Variants in BDKRB2 observed in about 807,000 individuals in gnomAD.
The protein encoded by BDKRB2 is B2 bradykinin receptor.
A neutral mutation model predicts 4.0 loss-of-function variants in BDKRB2; 6 were observed. The observed-to-expected ratio is 1.49, with a 90% confidence interval of 0.81 to 2.93. The LOEUF (loss-of-function observed/expected upper bound fraction) is 2.93. BDKRB2 is among the 30% of genes most tolerant of loss of function. The pLI is 0.00. For missense variants in BDKRB2, 478 were observed against 520.1 expected, an observed-to-expected ratio of 0.92 and a Z score of 0.79; for synonymous variants, 225 against 215.3, an observed-to-expected ratio of 1.05 and a Z score of -0.40.
intron 1 of BDKRB2, 110 bp from the exon 2 acceptor site, chr14:96,236,959 C>G (rs919659627): frequency 1.4e-6 from 1 of 704,878 alleles, no homozygotes; most frequent in East Asian, 2.5e-5. Context: ...CACAAACGTC[C>G]ATTGAGTCAG....
chr14:96,235,880 T>C (rs1890923438), intron 1 of BDKRB2, among the ~76,000 whole-genome samples: 1 of 152,024 alleles, frequency 6.6e-6, no homozygotes, highest in Non-Finnish European at 1.5e-5. Flanking sequence ...TTCCACACCC[T>C]TCCTAGACAG....
chr14:96,237,799 CA>C (rs1890973121), intron 2 of BDKRB2: 1 of 1,289,808 alleles, frequency 7.8e-7, no homozygotes, highest in Non-Finnish European at 1.0e-6. Flanking sequence ...ATTCCGCACT[CA>C]GCAGGCATCT....
chr14:96,224,368 G>C (rs1337940791), intron 1 of BDKRB2, among the ~76,000 whole-genome samples: 2 of 152,344 alleles, frequency 1.3e-5, no homozygotes, highest in African/African-American at 4.8e-5. Flanking sequence ...AGTCTTGCTA[G>C]CTGTGCCTCT....
chr14:96,241,568 G>C lies in BDKRB2; in HGVS notation c.*64G>C. The C allele has an allele frequency of 1.3e-6, 2 of 1,491,160 alleles. No homozygotes were observed. The highest frequency in any genetic ancestry group is 1.8e-6 in the Non-Finnish European group (2 of 1,127,914). The allele number at this position is 1,491,160 out of a possible 1,614,324, so 92.4% of individuals were successfully genotyped here. A position where few individuals can be genotyped will look rare whatever the true frequency, so the allele number is the denominator to read the frequency against. The stretch of plus-strand genomic sequence containing the variant: ...TTGAGGGACAGTTGCTTTTCAGCAT[G>C]GGCCCAGGAATGCCAAGGAGACATC... On this transcript the variant is annotated 3_prime_UTR_variant, in exon 3 of 3. Coordinates refer to ENST00000554311, the MANE Select transcript of BDKRB2 (RefSeq NM_001379692.1).
chr14:96,235,347 C>CAAAAA (rs60409238), intron 1 of BDKRB2, among the ~76,000 whole-genome samples: 2 of 67,220 alleles, frequency 3.0e-5, no homozygotes, highest in Non-Finnish European at 5.4e-5. Context: ...GACTCCGTCT[C>CAAAAA]AAAAAAAAAA....
chr14:96,215,089 A>T (rs1428777210), intron 1 of BDKRB2, among the ~76,000 whole-genome samples: 1 of 152,268 alleles, frequency 6.6e-6, no homozygotes, highest in Non-Finnish European at 1.5e-5. Flanking sequence ...TTCTTCACAG[A>T]AAACTTGGAT....
Position 96,244,090 on chromosome 14 carries a change from T to C in BDKRB2, c.*2586T>C. The C allele has an allele frequency of 5.0e-6, 2 of 398,196 alleles. No homozygotes were observed. Among genetic ancestry groups the C allele is most frequent in the Non-Finnish European group, 8.9e-6 (2 of 225,966 alleles). 24.7% of individuals were successfully genotyped at this position (398,196 alleles called of 1,614,324 possible). A position where few individuals can be genotyped will look rare whatever the true frequency, so the allele number is the denominator to read the frequency against. ...CTGTTATGTTGTAAACAGGAAGCAT[T>C]TCACATCCAAACGAGAAAATCATGT... is the stretch of plus-strand genomic sequence containing the variant. On this transcript the variant is annotated 3_prime_UTR_variant, in exon 3 of 3. Coordinates refer to ENST00000554311, the MANE Select transcript of BDKRB2 (RefSeq NM_001379692.1).
intron 2 of BDKRB2, chr14:96,237,631 G>A: frequency 2.4e-6 from 3 of 1,252,568 alleles, no homozygotes; most frequent in Admixed American, 5.0e-5. Context: ...AGTAGAAGCA[G>A]AGGATAGGGA....
In BDKRB2 at chr14:96,240,670, C is replaced by T. The variant is rs755199375; in HGVS notation, c.342C>T (p.Ala114=). The T allele has an allele frequency of 6.3e-7, 1 of 1,587,450 alleles. No individual in the cohort carries two copies. Among genetic ancestry groups the T allele is most frequent in the Non-Finnish European group, 8.6e-7 (1 of 1,168,904 alleles). The change falls in exon 3 of 3, where the codon GCC becomes GCT. Residue 114 remains alanine, a synonymous_variant. Coordinates refer to ENST00000554311, the MANE Select transcript of BDKRB2 (RefSeq NM_001379692.1). ...LILACGLPFW[A]ITISNNFDWL... is the part of the protein sequence containing the mutation. ...TGGCCTGCGGGCTGCCCTTCTGGGC[C>T]ATCACCATCTCCAACAACTTCGACT...
intron 2 of BDKRB2, chr14:96,239,568 AT>A (rs1885212670): frequency 1.0e-6 from 1 of 985,280 alleles, no homozygotes. Flanking sequence ...GGTTATTTTA[AT>A]GGGTTTGCAA....
At chr14:96,233,195 C>G (rs140002525) in intron 1 of BDKRB2, among the ~76,000 whole-genome samples, 1,549 of 152,214 alleles carry the variant, frequency 0.01, 10 homozygotes, top group Middle Eastern at 0.017. Context: ...ACCACGCTCA[C>G]CTAATTTTTT....
At chr14:96,223,247 G>T in intron 1 of BDKRB2, 1 of 1,068,910 alleles carries the variant, frequency 9.4e-7, no homozygotes, top group East Asian at 2.4e-5. Flanking sequence ...AGGAATCTTG[G>T]CGTTCAGCAG....
intron 1 of BDKRB2, among the ~76,000 whole-genome samples, chr14:96,208,489 G>C (rs1286667653): frequency 6.6e-6 from 1 of 152,160 alleles, no homozygotes; most frequent in African/African-American, 2.4e-5. Flanking sequence ...CTGTACAATG[G>C]GGAGCATCAT....
At position 96,241,980 on chromosome 14, in the gene BDKRB2, C is replaced by A. The variant is rs1236114461; in HGVS notation, c.*476C>A. On this transcript the variant is annotated 3_prime_UTR_variant, in exon 3 of 3. Transcript: ENST00000554311. ...CAGCTAGAACTTTGAAGGACAATTT[C>A]TTGCATTAATAAAGGTTAAGCCCTG... 1 of 154,670 alleles carries A rather than the reference C, an allele frequency of 6.5e-6. No individual in the cohort carries two copies. The highest frequency in any genetic ancestry group is 2.4e-5 in the African/African-American group (1 of 41,504). The allele number at this position is 154,670 out of a possible 1,614,324, so 9.6% of individuals were successfully genotyped here. A position where few individuals can be genotyped will look rare whatever the true frequency, so the allele number is the denominator to read the frequency against.
At chr14:96,210,513 G>A (rs934629503) in intron 1 of BDKRB2, among the ~76,000 whole-genome samples, 13 of 152,200 alleles carry the variant, frequency 8.5e-5, no homozygotes, top group Admixed American at 4.6e-4. Flanking sequence ...TGAGGAGCTA[G>A]GCTTGGATTG....
Position 96,217,400 on chromosome 14 carries a change from T to C in BDKRB2, c.-40+12441T>C, listed in dbSNP as rs77059593. Among the ~76,000 whole-genome samples, 1,046 of 152,324 alleles carry C rather than the reference T, an allele frequency of 6.9e-3. 15 individuals carry two copies. Among genetic ancestry groups the C allele is most frequent in the African/African-American group, 0.024 (984 of 41,556 alleles). On this transcript the variant is annotated intron_variant, in intron 1 of 2. Coordinates refer to ENST00000554311, the MANE Select transcript of BDKRB2 (RefSeq NM_001379692.1). Reference sequence around the variant, plus strand: ...GGATTTTACAAAATAATCTATCTTATCATCCTCCTTTGCCCTAGAGATGGG... The same window carrying C: ...GGATTTTACAAAATAATCTATCTTACCATCCTCCTTTGCCCTAGAGATGGG...
At chr14:96,239,339 G>A (rs1595265236) in intron 2 of BDKRB2, 16 of 983,290 alleles carry the variant, frequency 1.6e-5, no homozygotes, top group Middle Eastern at 1.0e-3. Flanking sequence ...CAAAATAGAA[G>A]CTCAGAGAGG....
chr14:96,207,942 C>A (rs1566686480), intron 1 of BDKRB2, among the ~76,000 whole-genome samples: 1 of 152,182 alleles, frequency 6.6e-6, no homozygotes, highest in Admixed American at 6.5e-5. Flanking sequence ...AATCCCCTGC[C>A]TCATGAATAT....
At chr14:96,223,746 G>A (rs1890631619) in intron 1 of BDKRB2, among the ~76,000 whole-genome samples, 1 of 151,892 alleles carries the variant, frequency 6.6e-6, no homozygotes. Flanking sequence ...TCAGCGTACT[G>A]GAAACTTTCC....
Sources: gnomAD v4.1 joint callset for allele counts (sites outside exome capture counted in the v4.1 genomes callset) on GRCh38, gnomAD v4.1.1 for gene constraint, MANE v1.5 for transcripts, NCBI Gene and HGNC (gene_info 2026-07-23, HGNC 2026-07-21) for gene names.